Variants in ATP10B observed in about 807,000 individuals in gnomAD.
ATP10B encodes the protein phospholipid-transporting ATPase VB.
A neutral mutation model predicts 141.2 loss-of-function variants in ATP10B; 122 were observed. That is an observed-to-expected ratio of 0.86 (90% CI 0.75 to 1.00). ATP10B has a LOEUF of 1.00. Ranked by LOEUF, ATP10B falls within the 50% of genes least tolerant of loss-of-function variation. The probability of loss-of-function intolerance (pLI) is 0.00; values close to 1 mark genes in which losing one functional copy is unlikely to be tolerated. For missense variants in ATP10B, 1,876 were observed against 1,825.3 expected (o/e 1.03, Z -0.51); for synonymous variants, 685 against 692.0 (o/e 0.99, Z 0.16).
intron 1 of ATP10B, among the ~76,000 whole-genome samples, chr5:160,788,766 G>A (rs1279689192): frequency 1.3e-5 from 2 of 152,252 alleles, no homozygotes; most frequent in South Asian, 2.1e-4. Context: ...GTGCTGACTA[G>A]TTGTGTGCCT....
At chr5:160,785,044 G>A (rs188374164) in intron 2 of ATP10B, among the ~76,000 whole-genome samples, 1 of 152,230 alleles carries the variant, frequency 6.6e-6, no homozygotes, top group East Asian at 1.9e-4. Context: ...AGGCAAGGGT[G>A]TGTAACACAT....
chr5:160,602,518 C>T, intron 21 of ATP10B, 59 bp downstream of exon 21: 1 of 1,608,914 alleles, frequency 6.2e-7, no homozygotes, highest in South Asian at 1.1e-5. Context: ...AGGGAGAGAT[C>T]TGGCCCCGTG....
chr5:160,897,163 A>G, the ATP10B span, among the ~76,000 whole-genome samples: 1 of 152,208 alleles, frequency 6.6e-6, no homozygotes, highest in Non-Finnish European at 1.5e-5. Context: ...CACCACTCCT[A>G]TTCAACATAG....
chr5:160,574,502 C>A (rs1361281569), intron 24 of ATP10B, among the ~76,000 whole-genome samples: 2 of 152,062 alleles, frequency 1.3e-5, no homozygotes, highest in Non-Finnish European at 2.9e-5. Flanking sequence ...TTGAACTGCC[C>A]ATGCCCATTT....
the ATP10B span, among the ~76,000 whole-genome samples, chr5:160,857,497 T>C: frequency 2.0e-5 from 3 of 151,856 alleles, no homozygotes; most frequent in South Asian, 6.2e-4. Flanking sequence ...GCTTTGTTGA[T>C]TTTCTTGTTT....
chr5:160,810,941 G>T (rs528661536), intron 1 of ATP10B, among the ~76,000 whole-genome samples: 6 of 152,152 alleles, frequency 3.9e-5, no homozygotes, highest in African/African-American at 1.4e-4. Flanking sequence ...TTATCATCAC[G>T]TTTGAGAAAT....
chr5:160,699,995 G>T (rs550399664), intron 3 of ATP10B, among the ~76,000 whole-genome samples: 2 of 152,098 alleles, frequency 1.3e-5, no homozygotes, highest in Non-Finnish European at 2.9e-5. Flanking sequence ...ATTTGACTGG[G>T]GGTCTAGAAG....
intron 22 of ATP10B, among the ~76,000 whole-genome samples, chr5:160,591,537 G>A (rs528995471): frequency 6.6e-6 from 1 of 152,226 alleles, no homozygotes; most frequent in Admixed American, 6.5e-5. Context: ...TACAAACCTG[G>A]CAAGTGTAAA....
the ATP10B span, among the ~76,000 whole-genome samples, chr5:160,906,614 C>T: frequency 4.6e-5 from 7 of 152,326 alleles, no homozygotes; most frequent in East Asian, 1.4e-3. Context: ...TACTTCTTCT[C>T]CTTTACTTAA....
At position 160,707,036 on chromosome 5, in the gene ATP10B, C is replaced by T. The variant is rs185167948; in HGVS notation, c.-205+9873G>A. ...CTCTGAGTCAGCTCACTGCAATCTC[C>T]GCCCCCCAGGTTCAAGCAATTCTCC... On this transcript the variant is annotated intron_variant, in intron 3 of 25. Coordinates refer to ENST00000327245, the MANE Select transcript of ATP10B (RefSeq NM_025153.3). Among the ~76,000 whole-genome samples, 75 of 152,162 alleles carry T rather than the reference C, an allele frequency of 4.9e-4. No homozygotes were observed. In the East Asian group the frequency reaches 7.0e-3, roughly 14 times the overall value.
chr5:160,825,899 A>G (rs575751179), intron 1 of ATP10B, among the ~76,000 whole-genome samples: 68 of 152,296 alleles, frequency 4.5e-4, no homozygotes, highest in African/African-American at 1.5e-3. Context: ...ATAAGTGAGA[A>G]CGTGCAGTAT....
upstream of ATP10B, among the ~76,000 whole-genome samples, chr5:160,854,008 A>G (rs1298604535): frequency 1.3e-5 from 2 of 150,216 alleles, no homozygotes; most frequent in Non-Finnish European, 2.9e-5. Flanking sequence ...TGATTTTTAC[A>G]CAGTGTGTCA....
upstream of ATP10B, among the ~76,000 whole-genome samples, chr5:160,855,518 A>T (rs114232114): frequency 5.9e-3 from 893 of 150,894 alleles, 12 homozygotes; most frequent in African/African-American, 0.021. Flanking sequence ...TATATACTAT[A>T]CCTTTGTCGG....
intron 2 of ATP10B, among the ~76,000 whole-genome samples, chr5:160,732,602 G>T (rs186468865): frequency 5.0e-4 from 76 of 152,222 alleles, no homozygotes; most frequent in African/African-American, 1.6e-3. Context: ...CAAGTCAGTT[G>T]GTTGTAAATA....
rs1442036249 is a variant in ATP10B, at chr5:160,687,743, G to A, written c.275+57C>T. 19 of 1,553,176 alleles carry A rather than the reference G, an allele frequency of 1.2e-5. No individual in the cohort carries two copies. In the East Asian group the frequency reaches 3.8e-4, roughly 31 times the overall value. ...TTGCACGACTATACTCCAGCCTGGG[G>A]AACAGAATGAGACTCTTTCTCTAAA... On this transcript the variant is annotated intron_variant, in intron 5 of 25. Transcript: ENST00000327245.
At chr5:160,746,611 C>A (rs926832205) in intron 2 of ATP10B, among the ~76,000 whole-genome samples, 1 of 152,010 alleles carries the variant, frequency 6.6e-6, no homozygotes, top group Non-Finnish European at 1.5e-5. Flanking sequence ...AGGCTGGTCT[C>A]GCACTCCTGA....
At chr5:160,634,105 A>C (rs1481590468) in intron 12 of ATP10B, 1 of 611,600 alleles carries the variant, frequency 1.6e-6, no homozygotes, top group Admixed American at 2.5e-5. Context: ...CTGGCACCAG[A>C]CAAAGATCAG....
the ATP10B span, among the ~76,000 whole-genome samples, chr5:160,917,783 C>A: frequency 9.8e-5 from 15 of 152,326 alleles, no homozygotes; most frequent in South Asian, 2.1e-4. Flanking sequence ...GGCGTCCCTG[C>A]CACCTACCCT....
intron 1 of ATP10B, among the ~76,000 whole-genome samples, chr5:160,829,127 C>A (rs1774868160): frequency 6.6e-6 from 1 of 151,490 alleles, no homozygotes; most frequent in Non-Finnish European, 1.5e-5. Flanking sequence ...TTAATTGGTA[C>A]AGCACACCAG....
Sources: allele counts gnomAD v4.1 joint callset (sites outside exome capture counted in the v4.1 genomes callset), GRCh38; gene constraint gnomAD v4.1.1; transcripts MANE v1.5; gene names NCBI Gene and HGNC (gene_info 2026-07-23, HGNC 2026-07-21).